PRAM1: variants seen among roughly 807,000 people sequenced by gnomAD.
The protein encoded by PRAM1 is PML-RARA-regulated adapter molecule 1.
A neutral mutation model predicts 55.3 loss-of-function variants in PRAM1; 41 were observed. The observed-to-expected ratio is 0.74, with a 90% CI of 0.58 to 0.96. The LOEUF is 0.96. Ranked by LOEUF, PRAM1 falls within the 40% of genes least tolerant of loss-of-function variation. The pLI is 0.00. For synonymous variants in PRAM1, 401 were observed against 387.1 expected (o/e 1.04, Z -0.42); for missense variants, 898 against 892.7 (o/e 1.01, Z -0.08).
chr19:8,492,914 C>T (rs1354570405), intron 4 of PRAM1, among the ~76,000 whole-genome samples: 1 of 152,100 alleles, frequency 6.6e-6, no homozygotes, highest in East Asian at 1.9e-4. Context: ...GGAGAATCGC[C>T]GGAACCTGGG....
rs1244314409 is a variant in PRAM1 at position 8,491,093 on chromosome 19, A to G, written c.1634+7T>C. On this transcript the variant is annotated splice_region_variant and intron_variant, in intron 5 of 9. Coordinates refer to ENST00000423345, the MANE Select transcript of PRAM1 (RefSeq NM_032152.5). The stretch of plus-strand genomic sequence containing the variant: ...CCCCGTCTGCCCACCCCCTCTGCCC[A>G]TGGCACCTGAGCGCTGGGTCTTGTG... 2 of 1,612,246 alleles carry G rather than the reference A, an allele frequency of 1.2e-6. No homozygotes were observed. Among genetic ancestry groups the G allele is most frequent in the Non-Finnish European group, 1.7e-6 (2 of 1,179,850 alleles).
At position 8,498,800 on chromosome 19, in the gene PRAM1, G is replaced by A. The variant is rs1971746598; in HGVS notation, c.1008C>T (p.Pro336=). 5.7e-6 allele frequency: 9 copies of A among 1,581,210 alleles called. No individual in the cohort carries two copies. The highest frequency in any genetic ancestry group is 6.9e-6 in the Non-Finnish European group (8 of 1,164,272). The part of the protein sequence containing the change: ...LGGLPRTSSE[P]EFNSLPRKLL... Reference sequence around the variant, plus strand: ...GCTTCCTGGGGAGTGAGTTGAACTCGGGCTCTGAGGAGGTCCTGGGGAGGC... The same window carrying A: ...GCTTCCTGGGGAGTGAGTTGAACTCAGGCTCTGAGGAGGTCCTGGGGAGGC... The change falls in exon 2 of 10, where the codon CCC becomes CCT. Residue 336 remains proline (P), a synonymous_variant. Coordinates refer to ENST00000423345, the MANE Select transcript of PRAM1 (RefSeq NM_032152.5).
chr19:8,495,010 G>C (rs549896544), intron 4 of PRAM1, among the ~76,000 whole-genome samples: 1 of 151,562 alleles, frequency 6.6e-6, no homozygotes, highest in Admixed American at 6.6e-5. Context: ...CGCGATGTCA[G>C]CTCACTGCAA....
In PRAM1 at chr19:8,490,596, T is replaced by C. The variant is rs1268110645; in HGVS notation, c.1904A>G (p.Lys635Arg). Reference protein sequence around the residue: ...EEMLCRDPKGKYGYVPRTALL... With the variant: ...EEMLCRDPKGRYGYVPRTALL... The stretch of plus-strand genomic sequence containing the variant: ...GCTGCGGGGCCGGGCGCACTCACAT[T>C]TGCCTTTGGGGTCCCGGCACAGCAT... Residue 635 changes from lysine to arginine, a missense_variant and splice_region_variant, in exon 7 of 10, where the codon AAA becomes AGA. Physicochemically the swap from Lys to Arg is conservative, Grantham distance 26. This residue lies in a region of PRAM1 where 787 missense variants were observed against 735.4 expected (regional missense o/e 1.07). Transcript: ENST00000423345. The surrounding 1 kb of genome is among the most constrained non-coding windows in gnomAD (Gnocchi z 7.3). 2 of 1,586,982 alleles carry C rather than the reference T, an allele frequency of 1.3e-6. No homozygotes were observed. Among genetic ancestry groups the C allele is most frequent in the Non-Finnish European group, 1.7e-6 (2 of 1,166,716 alleles).
At chr19:8,502,471 C>A in intron 1 of PRAM1, 94 bp downstream of exon 1, 1 of 444,310 alleles carries the variant, frequency 2.3e-6, no homozygotes, top group Non-Finnish European at 4.2e-6. Context: ...CCCGCCCCCC[C>A]GCCCGCCCCT....
intron 4 of PRAM1, chr19:8,491,370 A>G: frequency 1.6e-6 from 1 of 608,158 alleles, no homozygotes. Context: ...AGTAGCTGGG[A>G]TTACAGGTGT....
intron 3 of PRAM1, 35 bp from the exon 4 acceptor site, chr19:8,497,875 T>TC (rs1275179077): frequency 7.9e-7 from 1 of 1,259,532 alleles, no homozygotes; most frequent in African/African-American, 1.6e-5. Context: ...CTCTTCTTTT[T>TC]TTTTTTTTTT....
rs375790925 is a variant in PRAM1 at position 8,498,282 on chromosome 19, C to T, written c.1440G>A (p.Arg480=). Residue 480 remains arginine (R), a synonymous_variant, in exon 3 of 10, where the codon CGG becomes CGA. Coordinates refer to ENST00000423345, the MANE Select transcript of PRAM1 (RefSeq NM_032152.5). ...GGAGCCCAGCGGCCGAGCGGGTCCTCCGTAGATCTGTGGGGTAGAGAGTAG... is the reference window on the plus strand; with the variant it reads ...GGAGCCCAGCGGCCGAGCGGGTCCTTCGTAGATCTGTGGGGTAGAGAGTAG... ...RRPSAASIDL[R]RTRSAAGLHF... The T allele has an allele frequency of 1.9e-6, 3 of 1,612,084 alleles. No homozygotes were observed. The highest frequency in any genetic ancestry group is 2.7e-5 in the African/African-American group (2 of 74,906).
In PRAM1 at chr19:8,490,178, G is replaced by A. The variant is rs373142813; in HGVS notation, c.*11C>T. 170 of 1,562,528 alleles carry A rather than the reference G, an allele frequency of 1.1e-4. No individual in the cohort carries two copies. Among genetic ancestry groups the A allele is most frequent in the Non-Finnish European group, 1.4e-4 (157 of 1,152,628 alleles). On this transcript the variant is annotated 3_prime_UTR_variant, in exon 10 of 10. Coordinates refer to ENST00000423345, the MANE Select transcript of PRAM1 (RefSeq NM_032152.5). This position sits in a 1 kb window ranked among gnomAD's most constrained non-coding sequence, Gnocchi z 7.3. ...GGCTGGCTGGCTGTCCTGGCCCCAC[G>A]CCTACCGGTCTTACCGTCCCAGGGG...
rs1441885120 is a variant in PRAM1, at chr19:8,498,917, G to T, written c.891C>A (p.Ser297=). ...QPELGDLTRT[S]SEPEVSVLPK... is the part of the protein sequence containing the mutation. The stretch of plus-strand genomic sequence containing the variant: ...GAAGCACGCTGACTTCGGGCTCTGA[G>T]GAGGTCCTGGTGAGGTCCCCAAGCT... The change falls in exon 2 of 10, where the codon TCC becomes TCA. Residue 297 remains serine, a synonymous_variant. Coordinates refer to ENST00000423345, the MANE Select transcript of PRAM1 (RefSeq NM_032152.5). The T allele has an allele frequency of 1.2e-6, 2 of 1,613,704 alleles. No homozygotes were observed. Among genetic ancestry groups the T allele is most frequent in the South Asian group, 2.2e-5 (2 of 91,078 alleles).
rs1251827353 is a variant in PRAM1, at chr19:8,490,507, C to G, written c.1909G>C (p.Gly637Arg). Residue 637 changes from glycine to arginine, a missense_variant and splice_region_variant, in exon 8 of 10, where the codon GGC (glycine) becomes CGC (arginine). Gly to Arg is a moderately radical substitution (Grantham distance 125). This residue lies in a region of PRAM1 where 787 missense variants were observed against 735.4 expected (regional missense o/e 1.07). Transcript: ENST00000423345. This position sits in a 1 kb window ranked among gnomAD's most constrained non-coding sequence, Gnocchi z 7.3. ...AGGAGCGCTGTTCTGGGCACGTAGC[C>G]ATCTGTGGAGAGAGTGGGCATGGTG... The part of the protein sequence containing the change: ...MLCRDPKGKY[G>R]YVPRTALLPL... 1 of 1,611,360 alleles carries G rather than the reference C, an allele frequency of 6.2e-7. No homozygotes were observed. The highest frequency in any genetic ancestry group is 1.3e-5 in the African/African-American group (1 of 74,886).
Position 8,498,987 on chromosome 19 carries a change from G to A in PRAM1, c.821C>T (p.Ser274Phe), listed in dbSNP as rs1303227282. The A allele has an allele frequency of 2.5e-6, 4 of 1,613,946 alleles. No homozygotes were observed. Among genetic ancestry groups the A allele is most frequent in the Admixed American group, 1.7e-5 (1 of 60,016 alleles). Reference protein sequence around the residue: ...RDSSAFPKKASQPPLSDFPKK... With the variant: ...RDSSAFPKKAFQPPLSDFPKK... The stretch of plus-strand genomic sequence containing the variant: ...GGGAAAGTCACTCAGCGGAGGCTGG[G>A]AGGCCTTTTTGGGAAAGGCGCTGGA... Residue 274 changes from serine to phenylalanine, a missense_variant, in exon 2 of 10, where the codon TCC becomes TTC. This residue lies in a region of PRAM1 where 787 missense variants were observed against 735.4 expected (regional missense o/e 1.07). Transcript: ENST00000423345.
In PRAM1 at chr19:8,499,249, C is replaced by A; in HGVS notation, c.559G>T (p.Ala187Ser). ...GGTTGCCAGAGCTTCCTGGGGAATGCGCCGGATTTGGGTTCGGAGGGGGGT... is the reference window on the plus strand; with the variant it reads ...GGTTGCCAGAGCTTCCTGGGGAATGAGCCGGATTTGGGTTCGGAGGGGGGT... ...ARPPSEPKSG[A>S]FPRKLWQPEA... Residue 187 changes from alanine to serine, a missense_variant, in exon 2 of 10, where the codon GCA (alanine) becomes TCA (serine). Transcript: ENST00000423345. 1 of 1,611,344 alleles carries A rather than the reference C, an allele frequency of 6.2e-7. No homozygotes were observed. The highest frequency in any genetic ancestry group is 8.5e-7 in the Non-Finnish European group (1 of 1,178,396).
rs1435480924 is a variant in PRAM1 at position 8,493,043 on chromosome 19, C to T, written c.1577-1886G>A. On this transcript the variant is annotated intron_variant, in intron 4 of 9. Coordinates refer to ENST00000423345, the MANE Select transcript of PRAM1 (RefSeq NM_032152.5). This position sits in a 1 kb window ranked among gnomAD's most constrained non-coding sequence, Gnocchi z 4.1. Reference sequence around the variant, plus strand: ...TTTTAAAAGATGCTGCTAGGGTAAGCGTCCTGGACTGGTGACTGATGATGA... The same window carrying T: ...TTTTAAAAGATGCTGCTAGGGTAAGTGTCCTGGACTGGTGACTGATGATGA... Among the ~76,000 whole-genome samples the T allele has an allele frequency of 2.0e-5, 3 of 152,110 alleles. No individual in the cohort carries two copies. The highest frequency in any genetic ancestry group is 6.6e-5 in the Admixed American group (1 of 15,256).
chr19:8,500,218 C>T (rs575696348), intron 1 of PRAM1, among the ~76,000 whole-genome samples: 33 of 150,578 alleles, frequency 2.2e-4, no homozygotes, highest in Non-Finnish European at 4.0e-4. Context: ...ATGATTCCCC[C>T]GACCTCGGCC....
Position 8,490,728 on chromosome 19 carries a change from T to C in PRAM1, c.1772A>G (p.Lys591Arg), listed in dbSNP as rs538769149. 2 of 1,611,040 alleles carry C rather than the reference T, an allele frequency of 1.2e-6. No homozygotes were observed. Among genetic ancestry groups the C allele is most frequent in the Non-Finnish European group, 1.7e-6 (2 of 1,179,698 alleles). ...KFEGEIVVHTKMMIDPNAKTR... is the reference protein window; with the variant it reads ...KFEGEIVVHTRMMIDPNAKTR... ...CTTAGCGTTGGGGTCGATCATCATCTTCGTGTGAACCACGATCTCCCCTTC... is the reference window on the plus strand; with the variant it reads ...CTTAGCGTTGGGGTCGATCATCATCCTCGTGTGAACCACGATCTCCCCTTC... Residue 591 changes from lysine (K) to arginine (R), a missense_variant, in exon 7 of 10, where the codon AAG becomes AGG. By Grantham distance (26) the Lys-to-Arg change is conservative. This residue lies in a region of PRAM1 where 787 missense variants were observed against 735.4 expected (regional missense o/e 1.07). Transcript: ENST00000423345. This position sits in a 1 kb window ranked among gnomAD's most constrained non-coding sequence, Gnocchi z 7.3.
In PRAM1 at chr19:8,490,401, G is replaced by A; in HGVS notation, c.1941-29C>T. The A allele has an allele frequency of 6.2e-7, 1 of 1,613,886 alleles. No homozygotes were observed. The highest frequency in any genetic ancestry group is 8.5e-7 in the Non-Finnish European group (1 of 1,179,862). On this transcript the variant is annotated intron_variant, in intron 8 of 9. Coordinates refer to ENST00000423345, the MANE Select transcript of PRAM1 (RefSeq NM_032152.5). This position sits in a 1 kb window ranked among gnomAD's most constrained non-coding sequence, Gnocchi z 7.3. ...GCAGAGCACAGTTGGGTCAGCAAGG[G>A]GCACCGTGGCCCATTCCCCCCACCC...
chr19:8,498,140 G>A (rs1047555982), intron 3 of PRAM1, 83 bp downstream of exon 3: 6 of 1,445,708 alleles, frequency 4.2e-6, no homozygotes, highest in Non-Finnish European at 5.7e-6. Context: ...TCAGCCTCCC[G>A]AAGTTCTGGG....
chr19:8,499,703 T>A lies in PRAM1; in HGVS notation c.105A>T (p.Lys35Asn). The change falls in exon 2 of 10, where the codon AAA becomes AAT. Residue 35 changes from lysine to asparagine, a missense_variant. This residue lies in a region of PRAM1 where 79 missense variants were observed against 93.4 expected (regional missense o/e 0.85). Coordinates refer to ENST00000423345, the MANE Select transcript of PRAM1 (RefSeq NM_032152.5). ...SQPEPSDLPK[K>N]PPKPEFGKLK... ...GTTTACCAAACTCAGGCTTCGGAGG[T>A]TTTTTGGGCAGGTCGCTGGGCTCCG... 1.2e-6 allele frequency: 2 copies of A among 1,612,636 alleles called. No individual in the cohort carries two copies. Among genetic ancestry groups the A allele is most frequent in the Non-Finnish European group, 1.7e-6 (2 of 1,179,526 alleles).
Sources: allele counts gnomAD v4.1 joint callset (sites outside exome capture counted in the v4.1 genomes callset), GRCh38; gene constraint gnomAD v4.1.1; regional missense constraint gnomAD v4.1.1; non-coding constraint Gnocchi (gnomAD v3.1); transcripts MANE v1.5; gene names NCBI Gene and HGNC (gene_info 2026-07-23, HGNC 2026-07-21).